The following FMN2 variants were observed in gnomAD, a reference collection of about 807,000 sequenced individuals.
The protein encoded by FMN2 is formin 2.
In FMN2, 51 loss-of-function variants were observed where a neutral mutation model predicts 142.3. The observed-to-expected ratio is 0.36, with a 90% confidence interval of 0.29 to 0.45. FMN2 has a LOEUF of 0.45. FMN2 is among the 20% of genes least tolerant of loss of function. The pLI is 1.00. For missense variants in FMN2, 1,936 were observed against 2,122.8 expected (o/e 0.91, Z 1.73); for synonymous variants, 882 against 869.8 (o/e 1.01, Z -0.25).
rs1668546570 is a variant in FMN2 at position 240,259,299 on chromosome 1, G to A, written c.4153+1267G>A. 2.0e-5 allele frequency among the ~76,000 whole-genome samples: 3 copies of A among 152,202 alleles called. No individual in the cohort carries two copies. In the South Asian group the frequency reaches 6.2e-4, roughly 32 times the overall value. On this transcript the variant is annotated intron_variant, in intron 7 of 17. Coordinates refer to ENST00000319653, the MANE Select transcript of FMN2 (RefSeq NM_020066.5). ...GATAATGAGAACCTTATGAACAAGA[G>A]TCCGCCTGACATCTGTGTCTGTGGT...
At chr1:240,220,047 A>G (rs984239257) in intron 6 of FMN2, among the ~76,000 whole-genome samples, 1 of 152,184 alleles carries the variant, frequency 6.6e-6, no homozygotes, top group African/African-American at 2.4e-5. Flanking sequence ...AACTGTCTGA[A>G]GTATTACTTT....
intron 13 of FMN2, among the ~76,000 whole-genome samples, chr1:240,340,303 G>T (rs1032347171): frequency 6.6e-6 from 1 of 152,068 alleles, no homozygotes; most frequent in Non-Finnish European, 1.5e-5. Context: ...AGTCCGGGCC[G>T]GGTGCAGTGG....
At chr1:240,279,962 T>C (rs541926181) in intron 7 of FMN2, among the ~76,000 whole-genome samples, 1 of 152,280 alleles carries the variant, frequency 6.6e-6, no homozygotes, top group African/African-American at 2.4e-5. Flanking sequence ...TTTTTCATGT[T>C]TTTAAACATA....
chr1:240,330,371 C>G (rs890653025), intron 10 of FMN2, among the ~76,000 whole-genome samples: 5 of 152,134 alleles, frequency 3.3e-5, no homozygotes, highest in Non-Finnish European at 7.4e-5. Context: ...CAGAAATGGC[C>G]TAACATAGCA....
At chr1:240,426,831 G>A (rs1028658125) in intron 15 of FMN2, among the ~76,000 whole-genome samples, 1 of 152,070 alleles carries the variant, frequency 6.6e-6, no homozygotes, top group African/African-American at 2.4e-5. Context: ...CGCCTCCCGG[G>A]TTCAAGCAAT....
chr1:240,262,577 G>C (rs908530769), intron 7 of FMN2, among the ~76,000 whole-genome samples: 2 of 151,974 alleles, frequency 1.3e-5, no homozygotes, highest in African/African-American at 4.8e-5. Flanking sequence ...GCTCTTCACA[G>C]ATCTTAGGTC....
chr1:240,460,003 T>C (rs1676394556), intron 16 of FMN2, among the ~76,000 whole-genome samples: 1 of 152,294 alleles, frequency 6.6e-6, no homozygotes, highest in Non-Finnish European at 1.5e-5. Context: ...CTGACTACAA[T>C]TCACATCCTT....
intron 2 of FMN2, among the ~76,000 whole-genome samples, chr1:240,176,711 A>G (rs1184950576): frequency 2.6e-5 from 4 of 152,218 alleles, no homozygotes. Context: ...TCAGTATGCT[A>G]AATAGCGCAG....
chr1:240,096,739 C>T (rs1661211723), intron 1 of FMN2, among the ~76,000 whole-genome samples: 1 of 152,136 alleles, frequency 6.6e-6, no homozygotes, highest in Non-Finnish European at 1.5e-5. Flanking sequence ...CAGGAAGAAA[C>T]AGATGTTTTT....
intron 7 of FMN2, among the ~76,000 whole-genome samples, chr1:240,289,638 C>T (rs1343186901): frequency 6.6e-6 from 1 of 152,060 alleles, no homozygotes; most frequent in African/African-American, 2.4e-5. Context: ...TATGATCATA[C>T]CACTGCACCC....
At chr1:240,355,172 A>G (rs928529900) in intron 13 of FMN2, among the ~76,000 whole-genome samples, 1 of 150,140 alleles carries the variant, frequency 6.7e-6, no homozygotes, top group Non-Finnish European at 1.5e-5. Context: ...TTTGAGCCTT[A>G]ACTTCCTCAG....
chr1:240,167,261 C>A (rs1313895322), intron 2 of FMN2, among the ~76,000 whole-genome samples: 1 of 152,180 alleles, frequency 6.6e-6, no homozygotes, highest in African/African-American at 2.4e-5. Context: ...TTAAGCACAG[C>A]TAAGAAAACA....
At chr1:240,292,849 T>A (rs1381942594) in intron 7 of FMN2, among the ~76,000 whole-genome samples, 1 of 152,172 alleles carries the variant, frequency 6.6e-6, no homozygotes, top group Admixed American at 6.6e-5. Context: ...GTATTTAATC[T>A]TTCTTTCTTT....
chr1:240,472,196 T>C (rs1261285139), intron 16 of FMN2, 176 bp from the exon 17 acceptor site: 2 of 557,894 alleles, frequency 3.6e-6, no homozygotes. Flanking sequence ...TTAGCGTCTG[T>C]AGCTGTAACA....
chr1:240,185,677 A>C (rs999208306), intron 3 of FMN2, among the ~76,000 whole-genome samples: 1 of 152,254 alleles, frequency 6.6e-6, no homozygotes, highest in African/African-American at 2.4e-5. Flanking sequence ...ACTATAGAAC[A>C]AAGCTAGAAA....
In FMN2 at chr1:240,211,173, A is replaced by C; in HGVS notation, c.4003A>C (p.Thr1335Pro). ...TGAATTTGAGGAATTATTTTCTAAA[A>C]CTGCTGTAAAGGAGAGAAAGAAACC... ...CHEFEELFSK[T>P]AVKERKKPIS... The change falls in exon 6 of 18, where the codon ACT becomes CCT. Residue 1335 changes from threonine (T) to proline (P), a missense_variant. Transcript: ENST00000319653. 6.2e-7 allele frequency: 1 copy of C among 1,613,458 alleles called. No individual in the cohort carries two copies. The highest frequency in any genetic ancestry group is 2.2e-5 in the East Asian group (1 of 44,852).
chr1:240,123,505 C>CCAAA (rs1553327796), intron 2 of FMN2, among the ~76,000 whole-genome samples, 160 bp downstream of exon 2: 1 of 107,804 alleles, frequency 9.3e-6, no homozygotes, highest in Non-Finnish European at 1.9e-5. Flanking sequence ...TGTTTGTACA[C>CCAAA]AAAAAAAAAA....
intron 14 of FMN2, among the ~76,000 whole-genome samples, chr1:240,372,509 G>A (rs1672900269): frequency 6.6e-6 from 1 of 150,616 alleles, no homozygotes; most frequent in African/African-American, 2.4e-5. Flanking sequence ...TTTTATAGAT[G>A]GAATATATTA....
intron 8 of FMN2, among the ~76,000 whole-genome samples, chr1:240,328,117 C>T (rs1671235666): frequency 7.5e-6 from 1 of 132,858 alleles, no homozygotes; most frequent in South Asian, 2.4e-4. Flanking sequence ...CATTGTACTC[C>T]CACCTGGGTG....
Sources: allele counts gnomAD v4.1 joint callset (sites outside exome capture counted in the v4.1 genomes callset), GRCh38; gene constraint gnomAD v4.1.1; transcripts MANE v1.5; gene names NCBI Gene and HGNC (gene_info 2026-07-23, HGNC 2026-07-21).